GABRG3: variants seen among roughly 807,000 people sequenced by gnomAD.
GABRG3 encodes gamma-aminobutyric acid receptor subunit gamma-3.
GABRG3 carries 25 observed loss-of-function variants against 48.8 expected under a neutral mutation model. That is an observed-to-expected ratio of 0.51 (90% CI 0.37 to 0.72). GABRG3 has a LOEUF of 0.72. Among genes scored for constraint, GABRG3 ranks in the 30% least tolerant of loss-of-function variants. The pLI is 0.00. For synonymous variants in GABRG3, 227 were observed against 217.6 expected (o/e 1.04, Z -0.38); for missense variants, 394 against 577.9 (o/e 0.68, Z 3.26).
intron 3 of GABRG3, chr15:27,158,544 T>C (rs1306097979): frequency 3.3e-5 from 5 of 152,222 alleles, no homozygotes; most frequent in African/African-American, 1.2e-4. Context: ...ATTATAGCAG[T>C]AATTAAAAGG....
intron 3 of GABRG3, among the ~76,000 whole-genome samples, chr15:27,266,673 C>T (rs1270650515): frequency 2.0e-5 from 3 of 152,226 alleles, no homozygotes; most frequent in Admixed American, 6.5e-5. Context: ...CAGTCTATTC[C>T]TCCATTTATT....
intron 3 of GABRG3, among the ~76,000 whole-genome samples, chr15:27,072,828 G>T (rs959756782): frequency 3.3e-5 from 5 of 152,214 alleles, no homozygotes; most frequent in Non-Finnish European, 7.3e-5. Flanking sequence ...CTGCAAGACA[G>T]CCCAGAAAGT....
chr15:27,148,752 G>T (rs946872957), intron 3 of GABRG3, among the ~76,000 whole-genome samples: 10 of 151,868 alleles, frequency 6.6e-5, no homozygotes, highest in African/African-American at 2.4e-4. Flanking sequence ...AAAAATAACA[G>T]AATCATCTCT....
chr15:27,443,129 C>T (rs181583246), intron 5 of GABRG3, among the ~76,000 whole-genome samples: 7 of 152,240 alleles, frequency 4.6e-5, no homozygotes, highest in African/African-American at 1.2e-4. Flanking sequence ...AGGTGATGAG[C>T]GTGGGCCCTA....
At chr15:27,385,826 TATA>T (rs1204305631) in intron 5 of GABRG3, among the ~76,000 whole-genome samples, 1 of 152,224 alleles carries the variant, frequency 6.6e-6, no homozygotes, top group East Asian at 1.9e-4. Context: ...TGAGTATATT[TATA>T]ATATCTTCTT....
intron 5 of GABRG3, among the ~76,000 whole-genome samples, chr15:27,467,368 A>G (rs1355475392): frequency 6.6e-6 from 1 of 151,914 alleles, no homozygotes; most frequent in African/African-American, 2.4e-5. Flanking sequence ...TGTTCAGACC[A>G]TAGCATATAG....
chr15:27,288,200 C>CT (rs1891680313), intron 3 of GABRG3, among the ~76,000 whole-genome samples: 1 of 151,998 alleles, frequency 6.6e-6, no homozygotes, highest in African/African-American at 2.4e-5. Flanking sequence ...TGGTTTTCAT[C>CT]TTTTTTGGCA....
chr15:27,353,507 G>T (rs143496981), intron 5 of GABRG3, among the ~76,000 whole-genome samples: 7 of 151,726 alleles, frequency 4.6e-5, no homozygotes, highest in African/African-American at 1.2e-4. Flanking sequence ...GCAATGGCAC[G>T]ATCTCAGCTC....
At chr15:27,367,181 T>C (rs62001339) in intron 5 of GABRG3, among the ~76,000 whole-genome samples, 2 of 152,168 alleles carry the variant, frequency 1.3e-5, no homozygotes, top group Non-Finnish European at 1.5e-5. Flanking sequence ...CTGGAGCTGC[T>C]CACTACCTCC....
chr15:26,994,905 G>A (rs1217542653), intron 2 of GABRG3, among the ~76,000 whole-genome samples: 1 of 151,928 alleles, frequency 6.6e-6, no homozygotes, highest in African/African-American at 2.4e-5. Flanking sequence ...AATGTTCTAT[G>A]TGCACTTAAG....
At chr15:27,509,548 T>C (rs1028633684) in intron 6 of GABRG3, among the ~76,000 whole-genome samples, 7 of 152,210 alleles carry the variant, frequency 4.6e-5, no homozygotes, top group Non-Finnish European at 8.8e-5. Flanking sequence ...ATTTCTCTTT[T>C]TGTTTTAGAT....
At chr15:27,312,470 A>G (rs1893028893) in intron 3 of GABRG3, among the ~76,000 whole-genome samples, 1 of 152,130 alleles carries the variant, frequency 6.6e-6, no homozygotes, top group South Asian at 2.1e-4. Flanking sequence ...TGAGTCCCCA[A>G]AATGCATACT....
At chr15:27,053,979 G>T (rs1896497783) in intron 3 of GABRG3, among the ~76,000 whole-genome samples, 1 of 152,178 alleles carries the variant, frequency 6.6e-6, no homozygotes, top group South Asian at 2.1e-4. Context: ...AAGGAGGGAG[G>T]GGCCGGGTGT....
intron 5 of GABRG3, among the ~76,000 whole-genome samples, chr15:27,351,209 T>A (rs1894567996): frequency 6.7e-6 from 1 of 149,536 alleles, no homozygotes; most frequent in African/African-American, 2.5e-5. Context: ...GTGTGTATGG[T>A]GTTTGTGCGT....
At chr15:27,297,753 CAT>C (rs1422640692) in intron 3 of GABRG3, among the ~76,000 whole-genome samples, 1 of 152,014 alleles carries the variant, frequency 6.6e-6, no homozygotes, top group Non-Finnish European at 1.5e-5. Flanking sequence ...GATTTAAAAA[CAT>C]AGATTATATA....
At chr15:27,098,800 A>T (rs564645695) in intron 3 of GABRG3, among the ~76,000 whole-genome samples, 1 of 152,046 alleles carries the variant, frequency 6.6e-6, no homozygotes, top group Admixed American at 6.6e-5. Flanking sequence ...AATATACTAG[A>T]TAAAATGTGT....
chr15:26,979,735 T>G (rs1437988035), intron 2 of GABRG3, among the ~76,000 whole-genome samples: 4 of 152,212 alleles, frequency 2.6e-5, no homozygotes, highest in African/African-American at 9.6e-5. Context: ...TTAGTCATGG[T>G]GTTTAATAAT....
At chr15:27,146,553 T>C (rs1162712461) in intron 3 of GABRG3, among the ~76,000 whole-genome samples, 1 of 152,172 alleles carries the variant, frequency 6.6e-6, no homozygotes, top group African/African-American at 2.4e-5. Context: ...TTTTTTCTCC[T>C]ATCAAAATTA....
intron 3 of GABRG3, among the ~76,000 whole-genome samples, chr15:27,318,524 C>T (rs977935128): frequency 2.0e-5 from 3 of 152,286 alleles, no homozygotes; most frequent in African/African-American, 7.2e-5. Flanking sequence ...GCAGCTAAAG[C>T]ATCTGCTTCT....
Sources: gnomAD v4.1 joint callset for allele counts (sites outside exome capture counted in the v4.1 genomes callset) on GRCh38, gnomAD v4.1.1 for gene constraint, MANE v1.5 for transcripts, NCBI Gene and HGNC (gene_info 2026-07-23, HGNC 2026-07-21) for gene names.